Variants in CDK15 observed in about 807,000 individuals in gnomAD.
CDK15 encodes the protein cyclin-dependent kinase 15.
A neutral mutation model predicts 60.3 loss-of-function variants in CDK15; 62 were observed. The ratio of observed to expected loss-of-function variants is 1.03; its 90% CI spans 0.84 to 1.27. The LOEUF (loss-of-function observed/expected upper bound fraction) is 1.27, where lower values mean the gene tolerates loss of function less well. Ranked by LOEUF, CDK15 falls within the 50% of genes most tolerant of loss-of-function variation. CDK15 has a pLI of 0.00. For synonymous variants in CDK15, 194 were observed against 195.7 expected (o/e 0.99, Z 0.07); for missense variants, 541 against 527.8 (o/e 1.03, Z -0.25).
At chr2:201,877,104 C>T (rs146095339) in intron 11 of CDK15, among the ~76,000 whole-genome samples, 1 of 152,294 alleles carries the variant, frequency 6.6e-6, no homozygotes, top group African/African-American at 2.4e-5. Flanking sequence ...GCCAAATAAC[C>T]TGTTCTTATA....
At chr2:201,815,252 C>G (rs529210296) in intron 4 of CDK15, among the ~76,000 whole-genome samples, 1 of 152,300 alleles carries the variant, frequency 6.6e-6, no homozygotes, top group South Asian at 2.1e-4. Context: ...GCTTTTCATA[C>G]TTCTTTCAAT....
intron 10 of CDK15, among the ~76,000 whole-genome samples, chr2:201,863,418 T>C (rs1698478338): frequency 6.6e-6 from 1 of 152,036 alleles, no homozygotes; most frequent in African/African-American, 2.4e-5. Context: ...TTCTTAATGT[T>C]AAAAAGAAAT....
At chr2:201,866,122 T>C (rs1457046110) in intron 10 of CDK15, among the ~76,000 whole-genome samples, 1 of 151,652 alleles carries the variant, frequency 6.6e-6, no homozygotes, top group African/African-American at 2.4e-5. Context: ...AGTTACTGCT[T>C]CAGATAGCGA....
intron 8 of CDK15, among the ~76,000 whole-genome samples, chr2:201,836,308 A>C (rs1237580652): frequency 6.8e-6 from 1 of 147,774 alleles, no homozygotes; most frequent in African/African-American, 2.5e-5. Flanking sequence ...GATTCAAGCA[A>C]TTCTCCTGCC....
intron 10 of CDK15, among the ~76,000 whole-genome samples, chr2:201,869,784 A>T (rs1460812339): frequency 1.3e-5 from 2 of 152,170 alleles, no homozygotes; most frequent in African/African-American, 4.8e-5. Context: ...ATGGGAAAGG[A>T]TGGAAATGGA....
At position 201,876,469 on chromosome 2, in the gene CDK15, C is replaced by T. The variant is rs911754008; in HGVS notation, c.1059-3559C>T. The T allele has an allele frequency of 1.8e-5, 11 of 622,938 alleles. No individual in the cohort carries two copies. In the African/African-American group the frequency reaches 2.1e-4, roughly 12 times the overall value. 38.6% of individuals were successfully genotyped at this position (622,938 alleles called of 1,614,324 possible). A position where few individuals can be genotyped will look rare whatever the true frequency, so the allele number is the denominator to read the frequency against. On this transcript the variant is annotated intron_variant, in intron 11 of 13. Transcript: ENST00000652192. ...AGTGCTGCCAGTGAAGGTTTGTGTTCATGTGGGGTGGAGTTGGCTTGTACA... is the reference window on the plus strand; with the variant it reads ...AGTGCTGCCAGTGAAGGTTTGTGTTTATGTGGGGTGGAGTTGGCTTGTACA...
chr2:201,854,906 G>A lies in CDK15; in HGVS notation c.978G>A (p.Pro326=), dbSNP rs377762320. 3.3e-5 allele frequency: 54 copies of A among 1,613,868 alleles called. No homozygotes were observed. The highest frequency in any genetic ancestry group is 1.7e-4 in the African/African-American group (13 of 74,874). Residue 326 remains proline (P), a synonymous_variant, in exon 10 of 14, where the codon CCG becomes CCA. Transcript: ENST00000652192. Reference sequence around the variant, plus strand: ...GAGTCCCTACAGAGGATACTTGGCCGGGAGTCTCCAAGCTACCTAACTACA... The same window carrying A: ...GAGTCCCTACAGAGGATACTTGGCCAGGAGTCTCCAAGCTACCTAACTACA... The part of the protein sequence containing the change: ...VLGVPTEDTW[P]GVSKLPNYNP...
At chr2:201,861,219 T>C (rs1180189223) in intron 10 of CDK15, 1 of 1,024,824 alleles carries the variant, frequency 9.8e-7, no homozygotes, top group Non-Finnish European at 1.2e-6. Flanking sequence ...ATCCTATCAT[T>C]GTAAAAGTGT....
chr2:201,857,926 G>T (rs1358462496), intron 10 of CDK15, among the ~76,000 whole-genome samples: 1 of 152,162 alleles, frequency 6.6e-6, no homozygotes, highest in Non-Finnish European at 1.5e-5. Flanking sequence ...TGGGAGCCAG[G>T]AAAGTGTCAC....
At chr2:201,878,032 G>A (rs1699144815) in intron 11 of CDK15, among the ~76,000 whole-genome samples, 1 of 152,186 alleles carries the variant, frequency 6.6e-6, no homozygotes, top group Non-Finnish European at 1.5e-5. Flanking sequence ...TTGACATTAA[G>A]TAAGCCCATC....
chr2:201,853,400 A>C (rs949354666), intron 9 of CDK15, among the ~76,000 whole-genome samples: 2 of 152,218 alleles, frequency 1.3e-5, no homozygotes, highest in African/African-American at 4.8e-5. Flanking sequence ...ACAGATGCTA[A>C]AAAGTACATC....
intron 6 of CDK15, among the ~76,000 whole-genome samples, chr2:201,831,556 G>A (rs1205648038): frequency 1.3e-5 from 2 of 152,326 alleles, no homozygotes; most frequent in Non-Finnish European, 2.9e-5. Context: ...TGTCAGCACA[G>A]ACTGCAATTT....
rs1357037054 is a variant in CDK15 at position 201,882,448 on chromosome 2, T to A, written c.1198+2281T>A. On this transcript the variant is annotated intron_variant, in intron 12 of 13. Transcript: ENST00000652192. The surrounding 1 kb of genome is among the most constrained non-coding windows in gnomAD (Gnocchi z 4.0). ...ATTATGCCTGATAAAAGGAGTTTCG[T>A]GGATGTTTCAGTTCTTTCAAATTCT... 6.6e-6 allele frequency among the ~76,000 whole-genome samples: 1 copy of A among 152,142 alleles called. No homozygotes were observed.
chr2:201,843,307 C>T (rs939886762), intron 8 of CDK15, among the ~76,000 whole-genome samples: 1 of 152,136 alleles, frequency 6.6e-6, no homozygotes, highest in African/African-American at 2.4e-5. Context: ...CTGCCTCAAC[C>T]TCCTGAGTAG....
intron 10 of CDK15, among the ~76,000 whole-genome samples, chr2:201,869,519 A>G (rs893567006): frequency 2.6e-5 from 4 of 152,106 alleles, no homozygotes; most frequent in African/African-American, 4.8e-5. Flanking sequence ...CCTAGAACTT[A>G]AAGTACAATA....
At chr2:201,863,740 A>G (rs771931962) in intron 10 of CDK15, among the ~76,000 whole-genome samples, 2 of 152,190 alleles carry the variant, frequency 1.3e-5, no homozygotes, top group Non-Finnish European at 2.9e-5. Context: ...TACTAAAAAT[A>G]CAAAAATTAG....
chr2:201,860,915 GGAT>G, intron 10 of CDK15: 1 of 1,332,486 alleles, frequency 7.5e-7, no homozygotes, highest in Admixed American at 2.0e-5. Context: ...GTCCCCACTG[GGAT>G]GATAAAGAGC....
At position 201,847,355 on chromosome 2, in the gene CDK15, C is replaced by T. The variant is rs774086506; in HGVS notation, c.852-26C>T. 4 of 1,589,728 alleles carry T rather than the reference C, an allele frequency of 2.5e-6. No individual in the cohort carries two copies. In the East Asian group the frequency reaches 8.9e-5, roughly 36 times the overall value. On this transcript the variant is annotated intron_variant, in intron 8 of 13. Transcript: ENST00000652192. ...GCTTGTATGATTTCTTTCAAAGTGTCAATTTACTCTTATTTCATTTGCTAG... is the reference window on the plus strand; with the variant it reads ...GCTTGTATGATTTCTTTCAAAGTGTTAATTTACTCTTATTTCATTTGCTAG...
intron 8 of CDK15, among the ~76,000 whole-genome samples, chr2:201,838,831 T>C (rs1697240938): frequency 6.6e-6 from 1 of 152,242 alleles, no homozygotes; most frequent in African/African-American, 2.4e-5. Flanking sequence ...TAGAAGGCCT[T>C]CTACCAAAAT....
Sources: allele counts gnomAD v4.1 joint callset (sites outside exome capture counted in the v4.1 genomes callset), GRCh38; gene constraint gnomAD v4.1.1; non-coding constraint Gnocchi (gnomAD v3.1); transcripts MANE v1.5; gene names NCBI Gene and HGNC (gene_info 2026-07-23, HGNC 2026-07-21).